Variants in CACNB4 observed in about 807,000 individuals in gnomAD.
CACNB4 encodes the protein calcium voltage-gated channel auxiliary subunit beta 4, also known as voltage-dependent L-type calcium channel subunit beta-4.
CACNB4 carries 32 observed loss-of-function variants against 71.2 expected under a neutral mutation model. The ratio of observed to expected loss-of-function variants is 0.45; its 90% CI spans 0.34 to 0.60. CACNB4 has a LOEUF of 0.60. Ranked by LOEUF, CACNB4 falls within the 20% of genes least tolerant of loss-of-function variation. CACNB4 has a pLI of 0.01. For missense variants in CACNB4, 464 were observed against 647.9 expected (o/e 0.72, Z 3.08); for synonymous variants, 231 against 236.9 (o/e 0.97, Z 0.23).
intron 2 of CACNB4, among the ~76,000 whole-genome samples, chr2:152,047,750 T>G (rs1258908800): frequency 1.3e-5 from 2 of 152,006 alleles, no homozygotes; most frequent in African/African-American, 4.8e-5. Context: ...AATACAAAAA[T>G]TAGCTGGGCA....
At chr2:151,957,816 T>C (rs997165818) in intron 2 of CACNB4, among the ~76,000 whole-genome samples, 1 of 152,212 alleles carries the variant, frequency 6.6e-6, no homozygotes, top group Admixed American at 6.5e-5. Context: ...AACACTGAGA[T>C]GGTTTGCAGT....
intron 2 of CACNB4, among the ~76,000 whole-genome samples, chr2:151,892,163 G>A (rs1053589373): frequency 6.6e-6 from 1 of 152,152 alleles, no homozygotes; most frequent in Non-Finnish European, 1.5e-5. Context: ...CTGAAAACAC[G>A]GACTTCTGTG....
Position 151,876,568 on chromosome 2 carries a change from A to G in CACNB4, c.391-12T>C. 1 of 1,473,498 alleles carries G rather than the reference A, an allele frequency of 6.8e-7. No homozygotes were observed. The highest frequency in any genetic ancestry group is 9.1e-7 in the Non-Finnish European group (1 of 1,096,786). The allele number at this position is 1,473,498 out of a possible 1,614,324, so 91.3% of individuals were successfully genotyped here. A position where few individuals can be genotyped will look rare whatever the true frequency, so the allele number is the denominator to read the frequency against. On this transcript the variant is annotated splice_polypyrimidine_tract_variant and intron_variant, in intron 4 of 13. Transcript: ENST00000539935. ...TCATTGTTATATTTCTGGAATTCAG[A>G]AATAAAATTGCTATCAATAGTAATT...
chr2:151,855,280 G>C lies in CACNB4; in HGVS notation c.964C>G (p.Leu322Val). ...ATTGGTGCTAAGGAAGTCTTTATAA[G>C]TTGTGCTGGGTGATTGATGGTGTCT... ...DADTINHPAQLIKTSLAPIIV... is the reference protein window; with the variant it reads ...DADTINHPAQVIKTSLAPIIV... Residue 322 changes from leucine (L) to valine (V), a missense_variant, in exon 11 of 14, where the codon CTT becomes GTT. Leu to Val is a conservative substitution (Grantham distance 32). This residue lies in a region of CACNB4 where 299 missense variants were observed against 471.7 expected (regional missense o/e 0.63). Transcript: ENST00000539935. 1 of 1,589,628 alleles carries C rather than the reference G, an allele frequency of 6.3e-7. No individual in the cohort carries two copies. The highest frequency in any genetic ancestry group is 1.3e-5 in the African/African-American group (1 of 74,826).
intron 2 of CACNB4, among the ~76,000 whole-genome samples, chr2:152,024,762 T>G (rs79122784): frequency 0.016 from 2,439 of 152,232 alleles, 78 homozygotes; most frequent in African/African-American, 0.054. Flanking sequence ...CATTTAAATA[T>G]TGCAAAACCA....
intron 2 of CACNB4, among the ~76,000 whole-genome samples, chr2:152,095,698 C>T (rs1688227705): frequency 6.6e-6 from 1 of 152,152 alleles, no homozygotes; most frequent in Non-Finnish European, 1.5e-5. Flanking sequence ...TGTCGCCCGG[C>T]TGGAATGCTG....
chr2:151,982,108 C>T (rs527675605), intron 2 of CACNB4, among the ~76,000 whole-genome samples: 7 of 152,260 alleles, frequency 4.6e-5, no homozygotes, highest in African/African-American at 1.7e-4. Flanking sequence ...TTTGACCTCT[C>T]TATTATTCTA....
At chr2:152,064,964 G>T (rs1208977969) in intron 2 of CACNB4, among the ~76,000 whole-genome samples, 1 of 152,192 alleles carries the variant, frequency 6.6e-6, no homozygotes, top group African/African-American at 2.4e-5. Flanking sequence ...CTGCTACACA[G>T]CAGCGCTCCT....
intron 2 of CACNB4, among the ~76,000 whole-genome samples, chr2:151,929,223 T>A (rs943558384): frequency 6.7e-6 from 1 of 150,134 alleles, no homozygotes; most frequent in African/African-American, 2.4e-5. Flanking sequence ...AGGAAAAGTA[T>A]CTGTAACTTC....
At chr2:151,967,395 T>G (rs917772942) in intron 2 of CACNB4, 1 of 151,996 alleles carries the variant, frequency 6.6e-6, no homozygotes, top group South Asian at 2.1e-4. Flanking sequence ...TACTACAACA[T>G]TTTTTCATAA....
At chr2:151,896,769 G>C (rs1269831156) in intron 2 of CACNB4, among the ~76,000 whole-genome samples, 2 of 152,180 alleles carry the variant, frequency 1.3e-5, no homozygotes, top group Non-Finnish European at 2.9e-5. Context: ...TTAACCTTTG[G>C]AACTAGGAAA....
intron 2 of CACNB4, among the ~76,000 whole-genome samples, chr2:152,009,554 C>T (rs1240378579): frequency 6.6e-6 from 1 of 152,172 alleles, no homozygotes; most frequent in Non-Finnish European, 1.5e-5. Context: ...ACCACTGTCA[C>T]AGTTGGTTGT....
At chr2:152,050,867 C>T (rs898842838) in intron 2 of CACNB4, among the ~76,000 whole-genome samples, 1 of 152,000 alleles carries the variant, frequency 6.6e-6, no homozygotes, top group Non-Finnish European at 1.5e-5. Context: ...CTCGATCTAC[C>T]GGGTTCAAGT....
At position 151,838,902 on chromosome 2, in the gene CACNB4, T is replaced by C. The variant is rs2099835483; in HGVS notation, c.*217A>G. 2.2e-6 allele frequency: 1 copy of C among 448,090 alleles called. No individual in the cohort carries two copies. Among genetic ancestry groups the C allele is most frequent in the Non-Finnish European group, 4.0e-6 (1 of 251,344 alleles). 27.8% of individuals were successfully genotyped at this position (448,090 alleles called of 1,614,324 possible). ...AAAATGTACTGTTATCATGTAAATGTTGCACTTAAAAATATCTATATGATC... is the reference window on the plus strand; with the variant it reads ...AAAATGTACTGTTATCATGTAAATGCTGCACTTAAAAATATCTATATGATC... On this transcript the variant is annotated 3_prime_UTR_variant, in exon 14 of 14. Transcript: ENST00000539935.
intron 2 of CACNB4, among the ~76,000 whole-genome samples, chr2:151,938,439 T>C (rs2099863472): frequency 6.6e-6 from 1 of 152,222 alleles, no homozygotes; most frequent in Non-Finnish European, 1.5e-5. Context: ...CCCATCTGTG[T>C]CTTTCCAGAG....
rs1248943815 is a variant in CACNB4 at position 151,837,701 on chromosome 2, A to G, written c.*1418T>C. 3 of 152,038 alleles carry G rather than the reference A, an allele frequency of 2.0e-5. No individual in the cohort carries two copies. The highest frequency in any genetic ancestry group is 1.9e-4 in the East Asian group (1 of 5,192). The allele number at this position is 152,038 out of a possible 1,614,324, so 9.4% of individuals were successfully genotyped here. On this transcript the variant is annotated 3_prime_UTR_variant, in exon 14 of 14. Transcript: ENST00000539935. Reference sequence around the variant, plus strand: ...GAGTGAATCTAAGGCTTCCTTGATAATATAAAACATAGGTCACCAATTCCA... The same window carrying G: ...GAGTGAATCTAAGGCTTCCTTGATAGTATAAAACATAGGTCACCAATTCCA...
chr2:151,984,300 C>G (rs12052497), intron 2 of CACNB4, among the ~76,000 whole-genome samples: 141,821 of 152,254 alleles, frequency 0.93, 66,862 homozygotes, highest in East Asian at 1. Flanking sequence ...CTCTTAGTAG[C>G]CTTTAGGAAA....
At chr2:151,931,229 T>C (rs2099861550) in intron 2 of CACNB4, among the ~76,000 whole-genome samples, 1 of 152,238 alleles carries the variant, frequency 6.6e-6, no homozygotes, top group South Asian at 2.1e-4. Context: ...GTCCTGTGCT[T>C]GCTCCAAAAG....
In CACNB4 at chr2:152,029,507, A is replaced by AAAAAAG. The variant is rs1553815872; in HGVS notation, c.147+68822_147+68823insCTTTTT. ...AGACTCGATCTCAAAAAAAAAAAAA[A>AAAAAAG]AAAAGAAAAGAAAAGAAAAGAAAAG... On this transcript the variant is annotated intron_variant, in intron 2 of 13. Transcript: ENST00000539935. Among the ~76,000 whole-genome samples, 625 of 104,704 alleles carry AAAAAAG rather than the reference A, an allele frequency of 6.0e-3. 6 individuals are homozygous for AAAAAAG. Among genetic ancestry groups the AAAAAAG allele is most frequent in the Middle Eastern group, 9.2e-3 (2 of 218 alleles). The allele number at this position is 104,704 out of a possible 152,430, so 68.7% of individuals were successfully genotyped here.
Sources: allele counts gnomAD v4.1 joint callset (sites outside exome capture counted in the v4.1 genomes callset), GRCh38; gene constraint gnomAD v4.1.1; regional missense constraint gnomAD v4.1.1; transcripts MANE v1.5; gene names NCBI Gene and HGNC (gene_info 2026-07-23, HGNC 2026-07-21).